GRB2: variants seen among roughly 807,000 people sequenced by gnomAD.
GRB2 encodes growth factor receptor bound protein 2, also known as growth factor receptor-bound protein 2.
GRB2 carries 2 observed loss-of-function variants against 27.4 expected under a neutral mutation model. The observed-to-expected ratio is 0.07, with a 90% CI of 0.03 to 0.23. The LOEUF (loss-of-function observed/expected upper bound fraction) is 0.23. GRB2 is among the 10% of genes least tolerant of loss of function. The pLI, the probability that GRB2 is intolerant of heterozygous loss-of-function variation, is 1.00. For missense variants in GRB2, 102 were observed against 282.4 expected (o/e 0.36, Z 4.58); for synonymous variants, 94 against 99.6 (o/e 0.94, Z 0.33).
intron 2 of GRB2, among the ~76,000 whole-genome samples, chr17:75,354,374 T>G (rs2078716692): frequency 6.6e-6 from 1 of 151,718 alleles, no homozygotes; most frequent in African/African-American, 2.4e-5. Flanking sequence ...GCGATTCTCC[T>G]GCCTCAGCCT....
intron 1 of GRB2, among the ~76,000 whole-genome samples, chr17:75,396,140 A>G (rs1476124492): frequency 1.3e-5 from 2 of 152,140 alleles, no homozygotes; most frequent in African/African-American, 2.4e-5. Context: ...GCCTGACCCA[A>G]TCATACTTTT....
At chr17:75,381,573 T>C (rs1409290611) in intron 2 of GRB2, among the ~76,000 whole-genome samples, 1 of 150,162 alleles carries the variant, frequency 6.7e-6, no homozygotes, top group Non-Finnish European at 1.5e-5. Flanking sequence ...AAAAAAAAAT[T>C]AGCCAGGCAT....
chr17:75,388,588 G>A (rs1161520825), intron 2 of GRB2, among the ~76,000 whole-genome samples: 2 of 145,906 alleles, frequency 1.4e-5, no homozygotes, highest in East Asian at 4.3e-4. Flanking sequence ...AATAGTGGGG[G>A]GGGGGAAGAA....
chr17:75,337,889 CTACTACTACTACTATTATTATTATTAT>C (rs1205410208), intron 2 of GRB2, among the ~76,000 whole-genome samples: 120 of 125,388 alleles, frequency 9.6e-4, no homozygotes, highest in Middle Eastern at 4.5e-3. Context: ...ACTACTACTA[CTACTACTACTACTATTATTATTATTAT>C]TATTATTATT....
At chr17:75,335,015 G>A (rs931270187) in intron 2 of GRB2, among the ~76,000 whole-genome samples, 1 of 152,034 alleles carries the variant, frequency 6.6e-6, no homozygotes, top group Admixed American at 6.6e-5. Flanking sequence ...ATGTTGCCCA[G>A]GCTGGTCTTG....
intron 1 of GRB2, among the ~76,000 whole-genome samples, chr17:75,400,236 C>T (rs1266169939): frequency 6.6e-6 from 1 of 152,042 alleles, no homozygotes; most frequent in African/African-American, 2.4e-5. Context: ...TGCAATGGCA[C>T]GATCTCAGCT....
At chr17:75,341,396 G>A (rs2078619795) in intron 2 of GRB2, among the ~76,000 whole-genome samples, 1 of 147,228 alleles carries the variant, frequency 6.8e-6, no homozygotes, top group African/African-American at 2.5e-5. Context: ...AGGTTGCAGT[G>A]AGCCGAGATC....
intron 1 of GRB2, among the ~76,000 whole-genome samples, chr17:75,394,635 A>G (rs1322107829): frequency 6.6e-6 from 1 of 152,204 alleles, no homozygotes; most frequent in African/African-American, 2.4e-5. Context: ...TGAAGTCCTA[A>G]TCTACACTTG....
intron 2 of GRB2, among the ~76,000 whole-genome samples, chr17:75,381,912 T>C (rs1219750162): frequency 6.6e-6 from 1 of 151,924 alleles, no homozygotes; most frequent in East Asian, 1.9e-4. Flanking sequence ...AGAAAAATGT[T>C]ACCAAGGGCT....
At chr17:75,324,507 G>GTCTTTTTTTTTTTTTTTTTTTT (rs1555608338) in intron 4 of GRB2, among the ~76,000 whole-genome samples, 2 of 36,704 alleles carry the variant, frequency 5.4e-5, no homozygotes, top group African/African-American at 1.6e-4. Context: ...ACCGCACCCA[G>GTCTTTTTTTTTTTTTTTTTTTT]TTTTTTTTTT....
chr17:75,346,789 T>C (rs867439774), intron 2 of GRB2, among the ~76,000 whole-genome samples: 27 of 152,052 alleles, frequency 1.8e-4, no homozygotes, highest in South Asian at 4.2e-4. Flanking sequence ...CAGGCTAGTC[T>C]CAAACTCCTA....
chr17:75,331,218 A>G (rs2078539179), intron 3 of GRB2, among the ~76,000 whole-genome samples: 1 of 152,230 alleles, frequency 6.6e-6, no homozygotes, highest in Non-Finnish European at 1.5e-5. Context: ...AGGGTTTTTA[A>G]GTTGCTAGTT....
chr17:75,400,719 G>A (rs1198927226), intron 1 of GRB2, among the ~76,000 whole-genome samples: 1 of 151,958 alleles, frequency 6.6e-6, no homozygotes, highest in African/African-American at 2.4e-5. Flanking sequence ...TCACCATGTT[G>A]GCCAGGCTGG....
intron 2 of GRB2, among the ~76,000 whole-genome samples, chr17:75,355,402 T>C (rs938697973): frequency 5.9e-5 from 9 of 152,214 alleles, no homozygotes; most frequent in African/African-American, 2.2e-4. Flanking sequence ...ATACTCTCTG[T>C]CCCAGTTCTC....
intron 3 of GRB2, among the ~76,000 whole-genome samples, chr17:75,330,491 C>A (rs1002278456): frequency 6.6e-6 from 1 of 152,060 alleles, no homozygotes; most frequent in African/African-American, 2.4e-5. Flanking sequence ...TTGGCCAACA[C>A]AGTGAAACCC....
At chr17:75,392,845 C>T (rs1414348242) in intron 2 of GRB2, among the ~76,000 whole-genome samples, 1 of 152,164 alleles carries the variant, frequency 6.6e-6, no homozygotes, top group African/African-American at 2.4e-5. Context: ...AATAGTGGGG[C>T]TCAAAATAAG....
intron 2 of GRB2, among the ~76,000 whole-genome samples, chr17:75,356,359 T>G (rs754881031): frequency 6.6e-6 from 1 of 151,840 alleles, no homozygotes; most frequent in African/African-American, 2.4e-5. Context: ...TCTCTAAAAA[T>G]TAGTTAGGTG....
intron 2 of GRB2, among the ~76,000 whole-genome samples, chr17:75,351,424 G>T (rs542743498): frequency 6.6e-6 from 1 of 152,124 alleles, no homozygotes; most frequent in Non-Finnish European, 1.5e-5. Flanking sequence ...TGAGGCGGAA[G>T]AATCACTTGA....
At chr17:75,404,334 G>C (rs561681097) in intron 1 of GRB2, among the ~76,000 whole-genome samples, 2 of 152,064 alleles carry the variant, frequency 1.3e-5, no homozygotes, top group Non-Finnish European at 2.9e-5. Flanking sequence ...AGCCTCCCAC[G>C]GCTCTCTAGC....
Sources: allele counts gnomAD v4.1 joint callset (sites outside exome capture counted in the v4.1 genomes callset), GRCh38; gene constraint gnomAD v4.1.1; transcripts MANE v1.5; gene names NCBI Gene and HGNC (gene_info 2026-07-23, HGNC 2026-07-21).